NRXN1: variants seen among roughly 807,000 people sequenced by gnomAD.
The protein encoded by NRXN1 is neurexin 1.
A neutral mutation model predicts 150.9 loss-of-function variants in NRXN1; 39 were observed. The ratio of observed to expected loss-of-function variants is 0.26; its 90% CI spans 0.20 to 0.34. The LOEUF (loss-of-function observed/expected upper bound fraction) is 0.34. Ranked by LOEUF, NRXN1 falls within the 10% of genes least tolerant of loss-of-function variation. The pLI, the probability that NRXN1 is intolerant of heterozygous loss-of-function variation, is 1.00. For synonymous variants in NRXN1, 924 were observed against 757.0 expected (o/e 1.22, Z -3.62); for missense variants, 1,815 against 1,949.9 (o/e 0.93, Z 1.30).
At chr2:50,149,045 A>T (rs931244609) in intron 18 of NRXN1, among the ~76,000 whole-genome samples, 1 of 151,772 alleles carries the variant, frequency 6.6e-6, no homozygotes, top group Non-Finnish European at 1.5e-5. Flanking sequence ...AAAGTAGTGA[A>T]AATAGAGGTC....
At position 50,309,842 on chromosome 2, in the gene NRXN1, A is replaced by G. The variant is rs370196901; in HGVS notation, c.3365-72872T>C. 5.1e-4 allele frequency among the ~76,000 whole-genome samples: 76 copies of G among 150,016 alleles called. 2 individuals are homozygous for G. Among genetic ancestry groups the G allele is most frequent in the African/African-American group, 1.7e-3 (70 of 40,976 alleles). On this transcript the variant is annotated intron_variant, in intron 17 of 22. Transcript: ENST00000401669. ...GATGTCCTGAGAGCCTAGCGGAAGC[A>G]GAGAAACTAAAAAAAATGTTCACAA...
At position 50,083,384 on chromosome 2, in the gene NRXN1, GCTCT is replaced by G. The variant is rs967025831; in HGVS notation, c.3718+7935_3718+7938del. 2.0e-4 allele frequency among the ~76,000 whole-genome samples: 31 copies of G among 152,134 alleles called. 1 individual carries two copies. The highest frequency in any genetic ancestry group is 1.8e-3 in the Admixed American group (27 of 15,268). ...ACCCATCAAACCATCAGAGAATCTT[GCTCT>G]CTCTTTTAACAGAAAATAAAAAAAT... On this transcript the variant is annotated intron_variant, in intron 19 of 22. Transcript: ENST00000401669.
chr2:50,745,454 A>C (rs1426312133), intron 5 of NRXN1, among the ~76,000 whole-genome samples: 1 of 145,146 alleles, frequency 6.9e-6, no homozygotes, highest in Non-Finnish European at 1.5e-5. Flanking sequence ...AACCAAATCT[A>C]ACATGAACAT....
intron 15 of NRXN1, among the ~76,000 whole-genome samples, chr2:50,473,419 T>C (rs2089703231): frequency 6.6e-6 from 1 of 151,990 alleles, no homozygotes. Context: ...TTCAGATTAT[T>C]TACCATATCT....
In NRXN1 at chr2:50,045,434, C is replaced by T. The variant is rs543127211; in HGVS notation, c.4128+7837G>A. The stretch of plus-strand genomic sequence containing the variant: ...CTTGGCTCACTGCAACCTCCGCCTC[C>T]GCCCAGGTTAAGCAATCCTTCTGCC... On this transcript the variant is annotated intron_variant, in intron 21 of 22. Coordinates refer to ENST00000401669, the MANE Select transcript of NRXN1 (RefSeq NM_001330078.2). 9.9e-5 allele frequency among the ~76,000 whole-genome samples: 15 copies of T among 152,210 alleles called. No individual in the cohort carries two copies. The Middle Eastern group carries it at 0.01, about 104-fold the overall frequency.
At chr2:50,215,574 C>A (rs570162850) in intron 18 of NRXN1, among the ~76,000 whole-genome samples, 2 of 151,888 alleles carry the variant, frequency 1.3e-5, no homozygotes, top group Admixed American at 1.3e-4. Flanking sequence ...ATTAGTCATG[C>A]CATTTATCCA....
intron 17 of NRXN1, among the ~76,000 whole-genome samples, chr2:50,389,906 T>C (rs1325105857): frequency 1.3e-5 from 2 of 152,178 alleles, no homozygotes; most frequent in African/African-American, 4.8e-5. Flanking sequence ...TACTTGGTGA[T>C]GTTATGGTAT....
intron 17 of NRXN1, among the ~76,000 whole-genome samples, chr2:50,268,511 G>C (rs1450193073): frequency 6.6e-6 from 1 of 152,112 alleles, no homozygotes; most frequent in Non-Finnish European, 1.5e-5. Context: ...GGAGTTCAGA[G>C]TATAGCTCAT....
chr2:50,981,954 C>G (rs888131312), intron 2 of NRXN1, among the ~76,000 whole-genome samples: 6 of 151,430 alleles, frequency 4.0e-5, no homozygotes, highest in African/African-American at 7.3e-5. Context: ...AAAAGAGAGA[C>G]AGAGAGAGAG....
chr2:50,328,731 A>G (rs1474359049), intron 17 of NRXN1, among the ~76,000 whole-genome samples: 1 of 152,078 alleles, frequency 6.6e-6, no homozygotes, highest in Admixed American at 6.6e-5. Context: ...GTGAGACTCC[A>G]TCTCAAAAAC....
intron 15 of NRXN1, among the ~76,000 whole-genome samples, chr2:50,486,319 C>A (rs76698602): frequency 0.02 from 3,000 of 152,198 alleles, 106 homozygotes; most frequent in African/African-American, 0.069. Context: ...ACAGAGAATA[C>A]AGACAGACCC....
chr2:50,069,375 A>C (rs548254379), intron 19 of NRXN1, among the ~76,000 whole-genome samples: 1 of 152,306 alleles, frequency 6.6e-6, no homozygotes, highest in South Asian at 2.1e-4. Context: ...CCATGGTCCC[A>C]GGTATCAGAT....
At chr2:50,992,565 A>T (rs901997362) in intron 2 of NRXN1, among the ~76,000 whole-genome samples, 2 of 151,978 alleles carry the variant, frequency 1.3e-5, no homozygotes, top group Non-Finnish European at 2.9e-5. Context: ...TATGACAATA[A>T]GCTGTTGGCA....
At chr2:50,585,499 T>C (rs1672957424) in intron 8 of NRXN1, among the ~76,000 whole-genome samples, 1 of 152,130 alleles carries the variant, frequency 6.6e-6, no homozygotes, top group African/African-American at 2.4e-5. Flanking sequence ...TAAAAAATGG[T>C]CAAGATAGTA....
chr2:50,183,839 T>C (rs892502680), intron 18 of NRXN1, among the ~76,000 whole-genome samples: 1 of 151,892 alleles, frequency 6.6e-6, no homozygotes, highest in Non-Finnish European at 1.5e-5. Flanking sequence ...AAGATTAGTT[T>C]GCATTTACAG....
At chr2:50,939,788 T>G (rs933956169) in intron 2 of NRXN1, among the ~76,000 whole-genome samples, 4 of 152,192 alleles carry the variant, frequency 2.6e-5, no homozygotes, top group Non-Finnish European at 5.9e-5. Flanking sequence ...AAATACTGTT[T>G]TCAGGGATAC....
chr2:50,199,113 G>A (rs2061979041), intron 18 of NRXN1: 1 of 152,088 alleles, frequency 6.6e-6, no homozygotes, highest in African/African-American at 2.4e-5. Context: ...CCTGTCATCT[G>A]GATGCACCAA....
intron 8 of NRXN1, among the ~76,000 whole-genome samples, chr2:50,562,140 T>A (rs1669182949): frequency 6.6e-6 from 1 of 152,188 alleles, no homozygotes; most frequent in African/African-American, 2.4e-5. Flanking sequence ...TGACACTAAA[T>A]GATGTGTCTA....
chr2:50,030,395 T>C (rs1242881257), intron 21 of NRXN1, among the ~76,000 whole-genome samples: 1 of 152,144 alleles, frequency 6.6e-6, no homozygotes, highest in Non-Finnish European at 1.5e-5. Flanking sequence ...CATCTCCCAG[T>C]CTCTGTGGAC....
Sources: gnomAD v4.1 joint callset for allele counts (sites outside exome capture counted in the v4.1 genomes callset) on GRCh38, gnomAD v4.1.1 for gene constraint, MANE v1.5 for transcripts, NCBI Gene and HGNC (gene_info 2026-07-23, HGNC 2026-07-21) for gene names.